STPG2: variants seen among roughly 807,000 people sequenced by gnomAD.
STPG2 encodes sperm-tail PG-rich repeat-containing protein 2.
A neutral mutation model predicts 54.2 loss-of-function variants in STPG2; 56 were observed. The observed-to-expected ratio is 1.03, with a 90% CI of 0.83 to 1.29. STPG2 has a LOEUF of 1.29. Ranked by LOEUF, STPG2 falls within the 50% of genes most tolerant of loss-of-function variation. The probability of loss-of-function intolerance (pLI) is 0.00; values close to 1 mark genes in which losing one functional copy is unlikely to be tolerated. For synonymous variants in STPG2, 200 were observed against 181.8 expected (o/e 1.10, Z -0.81); for missense variants, 596 against 544.9 (o/e 1.09, Z -0.93).
At chr4:97,910,795 A>G (rs1343775979) in intron 8 of STPG2, among the ~76,000 whole-genome samples, 4 of 152,238 alleles carry the variant, frequency 2.6e-5, no homozygotes, top group Non-Finnish European at 5.9e-5. Flanking sequence ...TAAAGCAGGT[A>G]TCATACGAAA....
At chr4:97,802,120 C>G (rs1316871721) in intron 9 of STPG2, among the ~76,000 whole-genome samples, 1 of 152,116 alleles carries the variant, frequency 6.6e-6, no homozygotes, top group Non-Finnish European at 1.5e-5. Context: ...CCAGGAACCA[C>G]ACTTTGAGAA....
At chr4:97,507,371 C>T (rs1730874951) in intron 4 of STPG2, among the ~76,000 whole-genome samples, 1 of 152,036 alleles carries the variant, frequency 6.6e-6, no homozygotes, top group African/African-American at 2.4e-5. Flanking sequence ...AACATAGCTT[C>T]AAAATATACA....
chr4:97,902,654 G>T (rs1446179221), intron 8 of STPG2, among the ~76,000 whole-genome samples: 1 of 152,116 alleles, frequency 6.6e-6, no homozygotes, highest in Non-Finnish European at 1.5e-5. Flanking sequence ...AACCGGTGTA[G>T]CTGAGGATGT....
intron 9 of STPG2, among the ~76,000 whole-genome samples, chr4:97,715,239 G>C (rs1465814604): frequency 6.6e-6 from 1 of 152,108 alleles, no homozygotes; most frequent in Non-Finnish European, 1.5e-5. Flanking sequence ...CTCATTCATA[G>C]CTAGATTATG....
chr4:97,810,158 A>T (rs1727690665), intron 9 of STPG2, among the ~76,000 whole-genome samples: 1 of 152,148 alleles, frequency 6.6e-6, no homozygotes, highest in Non-Finnish European at 1.5e-5. Context: ...TATGGACTAA[A>T]TCCTAATACC....
At chr4:98,038,038 TA>T (rs1455226838) in intron 5 of STPG2, among the ~76,000 whole-genome samples, 1 of 152,048 alleles carries the variant, frequency 6.6e-6, no homozygotes, top group African/African-American at 2.4e-5. Flanking sequence ...TTTTGCTTTT[TA>T]TTTTTTTAAT....
At chr4:97,527,920 T>C (rs938487252) in intron 4 of STPG2, among the ~76,000 whole-genome samples, 1 of 152,180 alleles carries the variant, frequency 6.6e-6, no homozygotes, top group Non-Finnish European at 1.5e-5. Context: ...GATGGATAGA[T>C]TTCAAAATTT....
At chr4:97,572,613 T>C (rs1732627732) in intron 10 of STPG2, 1 of 152,152 alleles carries the variant, frequency 6.6e-6, no homozygotes. Context: ...TAGTGTGCTT[T>C]TGTAAACCCA....
intron 10 of STPG2, among the ~76,000 whole-genome samples, chr4:97,705,208 T>G (rs1723901419): frequency 6.6e-6 from 1 of 152,174 alleles, no homozygotes; most frequent in Admixed American, 6.6e-5. Flanking sequence ...ACTTTGCATA[T>G]ACTGTTTCCT....
At chr4:98,007,461 T>G (rs1376569669) in intron 5 of STPG2, among the ~76,000 whole-genome samples, 1 of 152,038 alleles carries the variant, frequency 6.6e-6, no homozygotes, top group Non-Finnish European at 1.5e-5. Context: ...GGAAACAAAG[T>G]CCTGTCACAA....
Position 97,972,451 on chromosome 4 carries a change from T to C in STPG2, c.773-11A>G. On this transcript the variant is annotated splice_polypyrimidine_tract_variant and intron_variant, in intron 6 of 10. Transcript: ENST00000295268. ...TATAAAATCCAGGACCTAAAATTAT[T>C]AGAAGTATCATATATAAGAATAAGC... 1 of 1,448,866 alleles carries C rather than the reference T, an allele frequency of 6.9e-7. No homozygotes were observed. Among genetic ancestry groups the C allele is most frequent in the East Asian group, 2.5e-5 (1 of 40,200 alleles). 89.8% of individuals were successfully genotyped at this position (1,448,866 alleles called of 1,614,324 possible). A position where few individuals can be genotyped will look rare whatever the true frequency, so the allele number is the denominator to read the frequency against.
intron 8 of STPG2, among the ~76,000 whole-genome samples, chr4:97,899,478 A>T (rs1731091842): frequency 6.6e-6 from 1 of 152,062 alleles, no homozygotes; most frequent in Admixed American, 6.6e-5. Flanking sequence ...AAATTTTAAA[A>T]TTCACATGAA....
chr4:97,796,950 G>T lies in STPG2; in HGVS notation c.1204+43823C>A, dbSNP rs371837679. Among the ~76,000 whole-genome samples the T allele has an allele frequency of 6.0e-3, 917 of 151,916 alleles. 5 individuals carry two copies. Among genetic ancestry groups the T allele is most frequent in the Middle Eastern group, 0.02 (6 of 294 alleles). Reference sequence around the variant, plus strand: ...GGATTCCTAGGTATTTTATTCTCTTGGAAGCAATTGTGAATGGGAGTTCAC... The same window carrying T: ...GGATTCCTAGGTATTTTATTCTCTTTGAAGCAATTGTGAATGGGAGTTCAC... On this transcript the variant is annotated intron_variant, in intron 9 of 10. Coordinates refer to ENST00000295268, the MANE Select transcript of STPG2 (RefSeq NM_174952.3).
chr4:98,058,938 T>C (rs1022503544), intron 5 of STPG2, among the ~76,000 whole-genome samples: 1 of 145,578 alleles, frequency 6.9e-6, no homozygotes, highest in Non-Finnish European at 1.5e-5. Context: ...CTGAAAGAAT[T>C]AGAAAATGCA....
At chr4:97,737,659 G>GA (rs909886148) in intron 9 of STPG2, among the ~76,000 whole-genome samples, 3 of 151,918 alleles carry the variant, frequency 2.0e-5, no homozygotes, top group Admixed American at 2.0e-4. Context: ...GAAGCTTAGA[G>GA]AAAAAAAAAT....
chr4:98,038,134 C>G (rs1318203223), intron 5 of STPG2, among the ~76,000 whole-genome samples: 2 of 56,884 alleles, frequency 3.5e-5, no homozygotes, highest in African/African-American at 1.6e-4. Flanking sequence ...CTCAGCCTCC[C>G]AAGTACCTAG....
chr4:97,648,470 A>G lies in STPG2; in HGVS notation c.1320+64229T>C, dbSNP rs572194542. Among the ~76,000 whole-genome samples, 12 of 152,310 alleles carry G rather than the reference A, an allele frequency of 7.9e-5. No individual in the cohort carries two copies. In the South Asian group the frequency reaches 2.5e-3, roughly 32 times the overall value. ...CTTAACTTCCTGAAAGGTTTGGACC[A>G]CTTACTATCAGTGTTTGTGTTTACT... On this transcript the variant is annotated intron_variant, in intron 10 of 10. Coordinates refer to ENST00000295268, the MANE Select transcript of STPG2 (RefSeq NM_174952.3).
intron 10 of STPG2, among the ~76,000 whole-genome samples, chr4:97,676,981 C>T (rs972960152): frequency 6.6e-6 from 1 of 152,070 alleles, no homozygotes; most frequent in Non-Finnish European, 1.5e-5. Flanking sequence ...ATATGAACAA[C>T]TTTCTGAATT....
intron 8 of STPG2, among the ~76,000 whole-genome samples, chr4:97,905,832 C>A (rs1448159192): frequency 1.3e-5 from 2 of 151,954 alleles, no homozygotes; most frequent in African/African-American, 4.8e-5. Flanking sequence ...AACAAAGACA[C>A]AACATACCAG....
Sources: allele counts gnomAD v4.1 joint callset (sites outside exome capture counted in the v4.1 genomes callset), GRCh38; gene constraint gnomAD v4.1.1; transcripts MANE v1.5; gene names NCBI Gene and HGNC (gene_info 2026-07-23, HGNC 2026-07-21).